Variants in DYRK3 observed in about 807,000 individuals in gnomAD.
DYRK3 encodes the protein dual specificity tyrosine-phosphorylation-regulated kinase 3.
Under a neutral mutation model 40.8 loss-of-function variants are expected in DYRK3, and 30 were observed. The observed-to-expected ratio is 0.74, with a 90% CI of 0.55 to 1.00. The LOEUF (loss-of-function observed/expected upper bound fraction) is 1.00, where lower values mean the gene tolerates loss of function less well. Among genes scored for constraint, DYRK3 ranks in the 50% least tolerant of loss-of-function variants. The probability of loss-of-function intolerance (pLI) is 0.00; values close to 1 mark genes in which losing one functional copy is unlikely to be tolerated. For missense variants in DYRK3, 699 were observed against 731.5 expected, an observed-to-expected ratio of 0.96 and a Z score of 0.51; for synonymous variants, 272 against 260.7, an observed-to-expected ratio of 1.04 and a Z score of -0.42.
chr1:206,647,755 A>G lies in DYRK3; in HGVS notation c.557A>G (p.Asn186Ser), dbSNP rs201452638. 1.2e-4 allele frequency: 192 copies of G among 1,614,052 alleles called. 1 individual carries two copies. Among genetic ancestry groups the G allele is most frequent in the East Asian group, 2.0e-4 (9 of 44,896 alleles). ...AGACATGGAGTTATTGGTGGTCCCAATAATGGAGGGTATGATGATGCAGAT... is the reference window on the plus strand; with the variant it reads ...AGACATGGAGTTATTGGTGGTCCCAGTAATGGAGGGTATGATGATGCAGAT... ...KKRHGVIGGP[N>S]NGGYDDADGA... The change falls in exon 3 of 3, where the codon AAT (asparagine) becomes AGT (serine). Residue 186 changes from asparagine to serine, a missense_variant. Asn to Ser is a conservative substitution (Grantham distance 46, BLOSUM62 1). Transcript: ENST00000367109.
At chr1:206,643,909 A>G (rs1671358030) in intron 2 of DYRK3, among the ~76,000 whole-genome samples, 1 of 151,896 alleles carries the variant, frequency 6.6e-6, no homozygotes, top group South Asian at 2.1e-4. Flanking sequence ...AATATTTTAT[A>G]GTTGGTGAAA....
chr1:206,639,490 T>C (rs1264297507), intron 2 of DYRK3, among the ~76,000 whole-genome samples: 2 of 136,752 alleles, frequency 1.5e-5, no homozygotes, highest in African/African-American at 5.7e-5. Flanking sequence ...TTTTTTGAGA[T>C]GGACTCTCAC....
Position 206,650,088 on chromosome 1 carries a change from C to T in DYRK3, c.*1123C>T, listed in dbSNP as rs1246765521. On this transcript the variant is annotated 3_prime_UTR_variant, in exon 3 of 3. Transcript: ENST00000367109. Reference sequence around the variant, plus strand: ...ATTCTCTTCAACAGCTTTTCTTTTTCTCTGCTAAGATTTAAACAGTGAGGG... The same window carrying T: ...ATTCTCTTCAACAGCTTTTCTTTTTTTCTGCTAAGATTTAAACAGTGAGGG... Among the ~76,000 whole-genome samples, 1 of 152,168 alleles carries T rather than the reference C, an allele frequency of 6.6e-6. No homozygotes were observed. The highest frequency in any genetic ancestry group is 1.5e-5 in the Non-Finnish European group (1 of 68,026).
chr1:206,652,934 T>G lies in DYRK3; in HGVS notation c.*3969T>G, dbSNP rs1362188746. ...GTTAGGTGACTTACTGAGTTCTAAA[T>G]TGACAAATTTTAATTTCCAAGTTGT... On this transcript the variant is annotated 3_prime_UTR_variant, in exon 3 of 3. Coordinates refer to ENST00000367109, the MANE Select transcript of DYRK3 (RefSeq NM_003582.4). Among the ~76,000 whole-genome samples, 5 of 152,240 alleles carry G rather than the reference T, an allele frequency of 3.3e-5. No homozygotes were observed. The highest frequency in any genetic ancestry group is 1.5e-5 in the Non-Finnish European group (1 of 68,040).
At chr1:206,641,152 AT>A (rs1671278383) in intron 2 of DYRK3, among the ~76,000 whole-genome samples, 1 of 151,218 alleles carries the variant, frequency 6.6e-6, no homozygotes, top group Non-Finnish European at 1.5e-5. Context: ...TTTAGTGGTG[AT>A]TTCTGAGATT....
intron 1 of DYRK3, 193 bp downstream of exon 1, chr1:206,635,973 G>C (rs199797588): frequency 2.8e-5 from 38 of 1,337,142 alleles, no homozygotes; most frequent in Non-Finnish European, 3.4e-5. Flanking sequence ...CTGTCTCACC[G>C]GGCGCGGGGG....
At chr1:206,646,336 A>G (rs1256031199) in intron 2 of DYRK3, among the ~76,000 whole-genome samples, 1 of 152,048 alleles carries the variant, frequency 6.6e-6, no homozygotes, top group Admixed American at 6.5e-5. Context: ...CCTCCATCTT[A>G]TTTCAAAAAA....
Position 206,650,797 on chromosome 1 carries a change from A to G in DYRK3, c.*1832A>G, listed in dbSNP as rs1261056987. 3.3e-5 allele frequency among the ~76,000 whole-genome samples: 5 copies of G among 152,178 alleles called. No individual in the cohort carries two copies. Among genetic ancestry groups the G allele is most frequent in the Non-Finnish European group, 7.4e-5 (5 of 68,024 alleles). The stretch of plus-strand genomic sequence containing the variant: ...TAGCATAGGCTGTGAAAAATGAGAG[A>G]GTGCAAATCTCTCTCATTTAAATGT... On this transcript the variant is annotated 3_prime_UTR_variant, in exon 3 of 3. Transcript: ENST00000367109.
At chr1:206,636,252 C>G in intron 1 of DYRK3, 1 of 322,978 alleles carries the variant, frequency 3.1e-6, no homozygotes, top group Non-Finnish European at 6.3e-6. Flanking sequence ...GTACGGCTTT[C>G]TCCGGATCCT....
At chr1:206,643,362 A>T (rs1026167924) in intron 2 of DYRK3, among the ~76,000 whole-genome samples, 7 of 152,210 alleles carry the variant, frequency 4.6e-5, no homozygotes, top group African/African-American at 1.7e-4. Context: ...TAATAGTTCT[A>T]TGGAAATTAC....
chr1:206,640,510 A>C (rs1212882845), intron 2 of DYRK3, among the ~76,000 whole-genome samples: 1 of 151,520 alleles, frequency 6.6e-6, no homozygotes, highest in African/African-American at 2.4e-5. Context: ...CTGAGTGAGA[A>C]GGATATTCCT....
At chr1:206,643,214 G>A (rs1572445589) in intron 2 of DYRK3, among the ~76,000 whole-genome samples, 1 of 152,092 alleles carries the variant, frequency 6.6e-6, no homozygotes, top group East Asian at 1.9e-4. Flanking sequence ...TACCCAGAGG[G>A]TTCCTACTTG....
chr1:206,641,261 C>T (rs1553419303), intron 2 of DYRK3, among the ~76,000 whole-genome samples: 1 of 152,102 alleles, frequency 6.6e-6, no homozygotes, highest in South Asian at 2.1e-4. Context: ...CCCCAAAGTC[C>T]ATTGTATCAT....
rs1671647043 is a variant in DYRK3 at position 206,652,121 on chromosome 1, A to T, written c.*3156A>T. Among the ~76,000 whole-genome samples, 1 of 152,204 alleles carries T rather than the reference A, an allele frequency of 6.6e-6. No homozygotes were observed. The highest frequency in any genetic ancestry group is 2.4e-5 in the African/African-American group (1 of 41,458). ...CATCTTTAGGTGGCAGCAAGGCTAT[A>T]TCTGATTGACACAGATCTGAAGTCT... On this transcript the variant is annotated 3_prime_UTR_variant, in exon 3 of 3. Coordinates refer to ENST00000367109, the MANE Select transcript of DYRK3 (RefSeq NM_003582.4).
intron 2 of DYRK3, among the ~76,000 whole-genome samples, chr1:206,638,302 A>C (rs1367393082): frequency 1.1e-5 from 1 of 94,896 alleles, no homozygotes; most frequent in African/African-American, 4.3e-5. Flanking sequence ...TTTGAGGTGG[A>C]GTCTCTCTCT....
intron 2 of DYRK3, among the ~76,000 whole-genome samples, chr1:206,646,419 C>T (rs1402287871): frequency 1.3e-5 from 2 of 152,016 alleles, no homozygotes; most frequent in African/African-American, 4.8e-5. Context: ...GTATCCCTTC[C>T]AGGAGAAGAT....
In DYRK3 at chr1:206,649,004, T is replaced by C. The variant is rs1402237351; in HGVS notation, c.*39T>C. On this transcript the variant is annotated 3_prime_UTR_variant, in exon 3 of 3. Transcript: ENST00000367109. ...GCCCAGAGATGCATATGTGTATATT[T>C]TTATGATCTTACAAACCTGCAAATG... 11 of 1,526,486 alleles carry C rather than the reference T, an allele frequency of 7.2e-6. No individual in the cohort carries two copies. The highest frequency in any genetic ancestry group is 9.7e-6 in the Non-Finnish European group (11 of 1,136,640). The allele number at this position is 1,526,486 out of a possible 1,614,324, so 94.6% of individuals were successfully genotyped here.
intron 2 of DYRK3, among the ~76,000 whole-genome samples, chr1:206,638,798 C>T (rs1173416354): frequency 6.7e-6 from 1 of 150,108 alleles, no homozygotes; most frequent in Non-Finnish European, 1.5e-5. Flanking sequence ...GAAATTGTTT[C>T]TATATGGAAA....
At chr1:206,643,298 C>T (rs1283412887) in intron 2 of DYRK3, among the ~76,000 whole-genome samples, 1 of 152,086 alleles carries the variant, frequency 6.6e-6, no homozygotes, top group African/African-American at 2.4e-5. Flanking sequence ...TTTAGGCTTA[C>T]TTTAAGGAAA....
Sources: allele counts gnomAD v4.1 joint callset (sites outside exome capture counted in the v4.1 genomes callset), GRCh38; gene constraint gnomAD v4.1.1; transcripts MANE v1.5; gene names NCBI Gene and HGNC (gene_info 2026-07-23, HGNC 2026-07-21).